Variants in VPS8 observed in about 807,000 individuals in gnomAD.
VPS8 encodes vacuolar protein sorting-associated protein 8 homolog.
VPS8 carries 129 observed loss-of-function variants against 216.4 expected under a neutral mutation model. The ratio of observed to expected loss-of-function variants is 0.60; its 90% CI spans 0.52 to 0.69. The LOEUF (loss-of-function observed/expected upper bound fraction) is 0.69. VPS8 is among the 30% of genes least tolerant of loss of function. The pLI, the probability that VPS8 is intolerant of heterozygous loss-of-function variation, is 0.00. For missense variants in VPS8, 1,531 were observed against 1,683.5 expected, an observed-to-expected ratio of 0.91 and a Z score of 1.59; for synonymous variants, 571 against 565.4, an observed-to-expected ratio of 1.01 and a Z score of -0.14.
intron 46 of VPS8, among the ~76,000 whole-genome samples, chr3:185,025,340 C>T (rs547210188): frequency 1.2e-4 from 19 of 152,256 alleles, no homozygotes; most frequent in South Asian, 2.1e-4. Context: ...CTCTAATAGT[C>T]GAAGTGTTTC....
chr3:184,966,636 T>G (rs778270319), intron 38 of VPS8, 35 bp from the exon 39 acceptor site: 1 of 1,475,894 alleles, frequency 6.8e-7, no homozygotes, highest in Non-Finnish European at 9.2e-7. Context: ...TATAAAGTGT[T>G]CCTTTTTAAC....
intron 35 of VPS8, among the ~76,000 whole-genome samples, chr3:184,938,648 T>C (rs1212712459): frequency 4.9e-5 from 7 of 141,484 alleles, no homozygotes; most frequent in African/African-American, 1.2e-4. Context: ...TTTCTTTTTT[T>C]CTTTTTTTTT....
intron 3 of VPS8, among the ~76,000 whole-genome samples, chr3:184,828,149 G>A (rs1057193253): frequency 2.6e-5 from 4 of 152,040 alleles, no homozygotes; most frequent in African/African-American, 7.2e-5. Flanking sequence ...TTGTTTGTTT[G>A]TTTGTTTTGA....
intron 35 of VPS8, 46 bp from the exon 36 acceptor site, chr3:184,940,151 A>G: frequency 8.2e-7 from 1 of 1,215,090 alleles, no homozygotes; most frequent in Non-Finnish European, 1.1e-6. Context: ...TATTTGAAAA[A>G]TTTGTTTTAA....
At chr3:184,876,678 G>A (rs113378861) in intron 21 of VPS8, among the ~76,000 whole-genome samples, 3 of 152,226 alleles carry the variant, frequency 2.0e-5, no homozygotes, top group African/African-American at 7.2e-5. Context: ...TGCACCTAAT[G>A]CAAATTGGGT....
chr3:184,938,282 C>T (rs549938366), intron 35 of VPS8, among the ~76,000 whole-genome samples: 17 of 152,304 alleles, frequency 1.1e-4, no homozygotes, highest in Non-Finnish European at 2.1e-4. Context: ...AAAAGACTCA[C>T]CGATTAATTC....
Position 184,838,694 on chromosome 3 carries a change from T to G in VPS8, c.448-20T>G. ...AAAATGAGAATATTTTTCAAATACT[T>G]TCTTTAAAATTTCATTTAGGACAAA... is the stretch of plus-strand genomic sequence containing the variant. On this transcript the variant is annotated intron_variant, in intron 5 of 47. Coordinates refer to ENST00000625842, the MANE Select transcript of VPS8 (RefSeq NM_001009921.3). The G allele has an allele frequency of 1.3e-6, 2 of 1,529,130 alleles. No individual in the cohort carries two copies. The highest frequency in any genetic ancestry group is 2.5e-5 in the East Asian group (1 of 40,656). The allele number at this position is 1,529,130 out of a possible 1,614,324, so 94.7% of individuals were successfully genotyped here.
intron 5 of VPS8, among the ~76,000 whole-genome samples, chr3:184,838,343 A>C (rs551039387): frequency 1.4e-4 from 21 of 152,302 alleles, no homozygotes; most frequent in African/African-American, 4.8e-4. Flanking sequence ...TAACATGTTT[A>C]CTTTTCTCAA....
At chr3:184,958,124 C>T (rs996082634) in intron 37 of VPS8, among the ~76,000 whole-genome samples, 7 of 152,088 alleles carry the variant, frequency 4.6e-5, no homozygotes. Context: ...ATATTAAACG[C>T]CGGGTGGGTA....
chr3:184,888,181 G>T (rs1251452132), intron 22 of VPS8, among the ~76,000 whole-genome samples: 1 of 152,020 alleles, frequency 6.6e-6, no homozygotes, highest in Non-Finnish European at 1.5e-5. Flanking sequence ...TAGAGACAGG[G>T]TTTCACCGTG....
chr3:184,936,102 A>G, intron 34 of VPS8, 144 bp from the exon 35 acceptor site: 1 of 565,068 alleles, frequency 1.8e-6, no homozygotes. Context: ...AGTGCGCTTT[A>G]AATTGAGGCC....
At chr3:184,955,501 G>A (rs1028297179) in intron 36 of VPS8, among the ~76,000 whole-genome samples, 5 of 151,366 alleles carry the variant, frequency 3.3e-5, no homozygotes, top group Admixed American at 1.3e-4. Flanking sequence ...GCGCCCCCTC[G>A]TCTTGTATGC....
intron 42 of VPS8, among the ~76,000 whole-genome samples, chr3:184,990,430 G>A (rs566853574): frequency 1.8e-4 from 27 of 152,174 alleles, no homozygotes; most frequent in Non-Finnish European, 3.7e-4. Flanking sequence ...TGCAGTGCCT[G>A]AAACATAGTA....
intron 22 of VPS8, among the ~76,000 whole-genome samples, chr3:184,889,157 A>G (rs1210360556): frequency 6.6e-6 from 1 of 152,238 alleles, no homozygotes; most frequent in Non-Finnish European, 1.5e-5. Context: ...ACCACAGCAT[A>G]TAACATAGAA....
At chr3:184,967,127 G>A (rs1286463057) in intron 39 of VPS8, among the ~76,000 whole-genome samples, 1 of 151,916 alleles carries the variant, frequency 6.6e-6, no homozygotes, top group Non-Finnish European at 1.5e-5. Context: ...CCATCACATT[G>A]GCTAATTTCT....
intron 45 of VPS8, among the ~76,000 whole-genome samples, chr3:185,014,068 T>C (rs1463908083): frequency 1.3e-5 from 2 of 152,194 alleles, no homozygotes; most frequent in African/African-American, 4.8e-5. Flanking sequence ...AACTGTGTCA[T>C]AGAGTGATTA....
At chr3:184,847,283 G>A (rs1723311678) in intron 8 of VPS8, among the ~76,000 whole-genome samples, 1 of 152,150 alleles carries the variant, frequency 6.6e-6, no homozygotes, top group South Asian at 2.1e-4. Context: ...CACAGAAAAG[G>A]ACTCTTACAG....
chr3:184,885,396 C>A (rs574926335), intron 21 of VPS8, among the ~76,000 whole-genome samples: 58 of 152,330 alleles, frequency 3.8e-4, no homozygotes, highest in South Asian at 2.3e-3. Flanking sequence ...CTCCCTCAGA[C>A]TCTTTCCATT....
At chr3:185,051,521 A>G (rs1195658111) in intron 47 of VPS8, among the ~76,000 whole-genome samples, 1 of 152,128 alleles carries the variant, frequency 6.6e-6, no homozygotes, top group Non-Finnish European at 1.5e-5. Context: ...GCGCGTCCAC[A>G]GGGAGAGAAG....
Sources: allele counts gnomAD v4.1 joint callset (sites outside exome capture counted in the v4.1 genomes callset), GRCh38; gene constraint gnomAD v4.1.1; transcripts MANE v1.5; gene names NCBI Gene and HGNC (gene_info 2026-07-23, HGNC 2026-07-21).